Variants in CEP85L observed in about 807,000 individuals in gnomAD.
The protein encoded by CEP85L is centrosomal protein of 85 kDa-like.
In CEP85L, 60 loss-of-function variants were observed where a neutral mutation model predicts 100.3. The observed-to-expected ratio is 0.60, with a 90% CI of 0.49 to 0.74. The LOEUF (loss-of-function observed/expected upper bound fraction) is 0.74, where lower values mean the gene tolerates loss of function less well. Among genes scored for constraint, CEP85L ranks in the 30% least tolerant of loss-of-function variants. CEP85L has a pLI of 0.00. For synonymous variants in CEP85L, 319 were observed against 322.7 expected (o/e 0.99, Z 0.12); for missense variants, 973 against 936.2 (o/e 1.04, Z -0.51).
chr6:118,595,653 G>A (rs548958103), intron 2 of CEP85L, among the ~76,000 whole-genome samples: 13 of 152,240 alleles, frequency 8.5e-5, no homozygotes, highest in African/African-American at 2.2e-4. Flanking sequence ...TAACAGTGTC[G>A]TACATATAAT....
intron 3 of CEP85L, among the ~76,000 whole-genome samples, chr6:118,543,293 A>C (rs1778015779): frequency 6.6e-6 from 1 of 152,186 alleles, no homozygotes; most frequent in South Asian, 2.1e-4. Context: ...TAGTTTATCT[A>C]AGTTTCTGAG....
intron 3 of CEP85L, chr6:118,565,328 A>C: frequency 1.7e-6 from 1 of 592,862 alleles, no homozygotes; most frequent in Non-Finnish European, 3.0e-6. Context: ...CAAGGTTTTC[A>C]GATTTTCATG....
intron 2 of CEP85L, among the ~76,000 whole-genome samples, chr6:118,578,661 GGACGTTGCCAT>G (rs1181694764): frequency 6.6e-6 from 1 of 152,068 alleles, no homozygotes; most frequent in African/African-American, 2.4e-5. Flanking sequence ...CCCAGGAGGC[GGACGTTGCCAT>G]GAGCCGAGAC....
intron 2 of CEP85L, among the ~76,000 whole-genome samples, chr6:118,575,324 A>G (rs574874400): frequency 6.6e-6 from 1 of 152,368 alleles, no homozygotes; most frequent in South Asian, 2.1e-4. Flanking sequence ...GCTTTATTTA[A>G]ACCAAAGAAC....
intron 10 of CEP85L, among the ~76,000 whole-genome samples, chr6:118,478,348 A>G (rs916970932): frequency 2.0e-5 from 3 of 152,072 alleles, no homozygotes; most frequent in Non-Finnish European, 2.9e-5. Flanking sequence ...CTAGTAAATA[A>G]TTTTCTCATT....
intron 1 of CEP85L, among the ~76,000 whole-genome samples, chr6:118,686,240 T>C (rs1776826518): frequency 6.6e-6 from 1 of 152,044 alleles, no homozygotes; most frequent in Non-Finnish European, 1.5e-5. Flanking sequence ...ATCATTTAAA[T>C]ACCTTTAAAT....
At chr6:118,656,365 C>A (rs369774230), upstream of CEP85L, among the ~76,000 whole-genome samples, 2 of 152,056 alleles carry the variant, frequency 1.3e-5, no homozygotes, top group Admixed American at 6.6e-5. Context: ...AGGAGTGGAA[C>A]TTTTACAATT....
chr6:118,532,152 A>G (rs867615511), intron 3 of CEP85L, among the ~76,000 whole-genome samples: 1 of 152,172 alleles, frequency 6.6e-6, no homozygotes, highest in Non-Finnish European at 1.5e-5. Context: ...ATGTATATAC[A>G]TAGTGTATAT....
intron 2 of CEP85L, among the ~76,000 whole-genome samples, chr6:118,578,035 A>C (rs1780345011): frequency 6.6e-6 from 1 of 152,220 alleles, no homozygotes; most frequent in African/African-American, 2.4e-5. Context: ...AAAATATGTT[A>C]AAGAAATTTG....
Position 118,465,538 on chromosome 6 carries a change from T to C in CEP85L, c.2285A>G (p.Asn762Ser), listed in dbSNP as rs1772449163. Residue 762 changes from asparagine (N) to serine (S), a missense_variant, in exon 13 of 13, where the codon AAT (asparagine) becomes AGT (serine). Around this residue, in one of 3 missense-constraint regions of CEP85L, gnomAD observed 890 missense variants for 844.5 expected, o/e 1.05. Transcript: ENST00000368491. ...SMNCSAEETE[N>S]DHSTETLTKK... Reference sequence around the variant, plus strand: ...AGTGAGTGTTTCTGTGCTGTGGTCATTCTCAGTCTCTTCAGCTGAACAGTT... The same window carrying C: ...AGTGAGTGTTTCTGTGCTGTGGTCACTCTCAGTCTCTTCAGCTGAACAGTT... 2.5e-6 allele frequency: 4 copies of C among 1,613,500 alleles called. No homozygotes were observed. The highest frequency in any genetic ancestry group is 2.2e-5 in the East Asian group (1 of 44,868).
chr6:118,678,269 T>C (rs958213264), intron 1 of CEP85L, among the ~76,000 whole-genome samples: 1 of 152,192 alleles, frequency 6.6e-6, no homozygotes, highest in Admixed American at 6.5e-5. Flanking sequence ...TTGTTCCAAG[T>C]TGGATCAAGT....
chr6:118,520,565 TCTAG>T (rs1776602564), intron 4 of CEP85L, among the ~76,000 whole-genome samples: 2 of 152,138 alleles, frequency 1.3e-5, no homozygotes, highest in African/African-American at 4.8e-5. Context: ...ATTACTCTCT[TCTAG>T]CTATTTGAAA....
rs1779043624 is a variant in CEP85L, at chr6:118,558,680, G to GAA, written c.1020+6848_1020+6849insTT. The stretch of plus-strand genomic sequence containing the variant: ...ACACACAGAGAGAGAGAGAGAGAGA[G>GAA]AGAGAGAGGGAGAGAGACTATAGAA... On this transcript the variant is annotated intron_variant, in intron 3 of 12. Transcript: ENST00000368491. The GAA allele has an allele frequency of 7.5e-6, 4 of 531,732 alleles. No individual in the cohort carries two copies. The African/African-American group carries it at 7.7e-5, about 10-fold the overall frequency. 32.9% of individuals were successfully genotyped at this position (531,732 alleles called of 1,614,324 possible).
At position 118,491,748 on chromosome 6, in the gene CEP85L, T is replaced by C; in HGVS notation, c.1375A>G (p.Asn459Asp). Residue 459 changes from asparagine (N) to aspartate (D), a missense_variant, in exon 6 of 13, where the codon AAT (asparagine) becomes GAT (aspartate). Around this residue, in one of 3 missense-constraint regions of CEP85L, gnomAD observed 890 missense variants for 844.5 expected, o/e 1.05. Coordinates refer to ENST00000368491, the MANE Select transcript of CEP85L (RefSeq NM_001042475.3). ...ASTEKEVLQL[N>D]EFLKQRLSLF... ...CTTAGTCTTTGTTTGAGAAACTCAT[T>C]AAGCTGTAAAACTTCTTTCTCAGTA... The C allele has an allele frequency of 6.2e-7, 1 of 1,613,320 alleles. No homozygotes were observed. Among genetic ancestry groups the C allele is most frequent in the Non-Finnish European group, 8.5e-7 (1 of 1,179,616 alleles).
chr6:118,614,935 T>A (rs1052652602), intron 2 of CEP85L, among the ~76,000 whole-genome samples: 2 of 152,242 alleles, frequency 1.3e-5, no homozygotes, highest in African/African-American at 4.8e-5. Context: ...TGTATTTCTA[T>A]ATTATAAATG....
intron 1 of CEP85L, among the ~76,000 whole-genome samples, chr6:118,647,702 T>C (rs747931863): frequency 4.1e-4 from 62 of 152,170 alleles, no homozygotes; most frequent in Non-Finnish European, 7.4e-4. Flanking sequence ...AAAAGGAACA[T>C]ACTTAGCACA....
At chr6:118,617,471 C>G (rs1773138737) in intron 2 of CEP85L, among the ~76,000 whole-genome samples, 1 of 152,166 alleles carries the variant, frequency 6.6e-6, no homozygotes, top group African/African-American at 2.4e-5. Context: ...GGCCATAAAT[C>G]AGGTAAGCGT....
chr6:118,622,022 A>G (rs766400118), intron 2 of CEP85L, among the ~76,000 whole-genome samples: 1 of 152,202 alleles, frequency 6.6e-6, no homozygotes, highest in African/African-American at 2.4e-5. Flanking sequence ...TGTCACAGAG[A>G]GACCAGGAAT....
intron 12 of CEP85L, among the ~76,000 whole-genome samples, chr6:118,466,445 T>G (rs1333583866): frequency 1.3e-5 from 2 of 152,058 alleles, no homozygotes; most frequent in Non-Finnish European, 2.9e-5. Context: ...CATAAACAAA[T>G]GAACACAGTG....
Sources: gnomAD v4.1 joint callset for allele counts (sites outside exome capture counted in the v4.1 genomes callset) on GRCh38, gnomAD v4.1.1 for gene constraint, gnomAD v4.1.1 regional missense constraint, MANE v1.5 for transcripts, NCBI Gene and HGNC (gene_info 2026-07-23, HGNC 2026-07-21) for gene names.